CDKAL1: variants seen among roughly 807,000 people sequenced by gnomAD.
CDKAL1 encodes the protein threonylcarbamoyladenosine tRNA methylthiotransferase.
A neutral mutation model predicts 68.2 loss-of-function variants in CDKAL1; 32 were observed. The ratio of observed to expected loss-of-function variants is 0.47; its 90% CI spans 0.35 to 0.63. The LOEUF is 0.63. Among genes scored for constraint, CDKAL1 ranks in the 30% least tolerant of loss-of-function variants. The pLI is 0.00. For missense variants in CDKAL1, 606 were observed against 696.7 expected, an observed-to-expected ratio of 0.87 and a Z score of 1.47; for synonymous variants, 234 against 244.3, an observed-to-expected ratio of 0.96 and a Z score of 0.39.
intron 9 of CDKAL1, among the ~76,000 whole-genome samples, chr6:20,902,619 G>C (rs1762053927): frequency 6.6e-6 from 1 of 152,088 alleles, no homozygotes; most frequent in South Asian, 2.1e-4. Context: ...AAGGAATCTG[G>C]AATGCAGATA....
chr6:20,647,731 T>G (rs11965062), intron 4 of CDKAL1, among the ~76,000 whole-genome samples: 5 of 151,936 alleles, frequency 3.3e-5, no homozygotes, highest in Non-Finnish European at 7.4e-5. Flanking sequence ...CTTTTCTGAG[T>G]TGAGTAGGGA....
chr6:20,796,092 A>G (rs1581595903), intron 8 of CDKAL1, among the ~76,000 whole-genome samples: 1 of 152,188 alleles, frequency 6.6e-6, no homozygotes, highest in African/African-American at 2.4e-5. Flanking sequence ...CACAGATGAT[A>G]TGACTGTCTA....
chr6:20,753,238 G>A (rs1406741027), intron 6 of CDKAL1, among the ~76,000 whole-genome samples: 1 of 150,520 alleles, frequency 6.6e-6, no homozygotes, highest in East Asian at 2.0e-4. Flanking sequence ...TCTTATTTTG[G>A]ACATTTCCTA....
At chr6:20,909,181 ATGTATGTGTGTGTGTGTGTGTGTGTG>A (rs141579376) in intron 9 of CDKAL1, among the ~76,000 whole-genome samples, 5,626 of 133,300 alleles carry the variant, frequency 0.042, 335 homozygotes, top group African/African-American at 0.15. Context: ...ATATGTGTGC[ATGTATGTGTGTGTGTGTGTGTGTGTG>A]TGTGTGTGTG....
intron 5 of CDKAL1, among the ~76,000 whole-genome samples, chr6:20,675,126 G>T (rs1257731068): frequency 6.6e-6 from 1 of 151,374 alleles, no homozygotes; most frequent in East Asian, 1.9e-4. Context: ...TATCATTTGG[G>T]GTCCATTTGT....
chr6:21,139,886 T>C (rs1582282461), intron 13 of CDKAL1, among the ~76,000 whole-genome samples: 1 of 152,364 alleles, frequency 6.6e-6, no homozygotes, highest in Middle Eastern at 3.4e-3. Context: ...ATGAAGATAA[T>C]GTATTACAAA....
chr6:21,140,717 C>T (rs971345680), intron 13 of CDKAL1, among the ~76,000 whole-genome samples: 1 of 152,138 alleles, frequency 6.6e-6, no homozygotes. Flanking sequence ...CTCACAGTAC[C>T]GCTAGCGCTC....
Position 21,093,918 on chromosome 6 carries a change from G to C in CDKAL1, c.1237-14483G>C, listed in dbSNP as rs530471475. Among the ~76,000 whole-genome samples, 138 of 132,762 alleles carry C rather than the reference G, an allele frequency of 1.0e-3. 2 individuals carry two copies. Among genetic ancestry groups the C allele is most frequent in the Admixed American group, 2.4e-3 (29 of 12,008 alleles). 87.1% of individuals were successfully genotyped at this position (132,762 alleles called of 152,430 possible). A position where few individuals can be genotyped will look rare whatever the true frequency, so the allele number is the denominator to read the frequency against. On this transcript the variant is annotated intron_variant, in intron 12 of 15. Transcript: ENST00000274695. The stretch of plus-strand genomic sequence containing the variant: ...GCTTTTTTTTTTTTTTTTTTGTAGA[G>C]ACAGGGTCTTACTATCTTGTCCAGG...
intron 13 of CDKAL1, among the ~76,000 whole-genome samples, chr6:21,153,250 T>TTTTTTTTTTTTTG (rs1237318946): frequency 6.7e-6 from 1 of 149,770 alleles, no homozygotes; most frequent in Non-Finnish European, 1.5e-5. Flanking sequence ...TTTTTTTTTT[T>TTTTTTTTTTTTTG]TTTTTTTTAA....
At chr6:21,160,214 C>T (rs1441098075) in intron 13 of CDKAL1, among the ~76,000 whole-genome samples, 2 of 152,166 alleles carry the variant, frequency 1.3e-5, no homozygotes, top group Non-Finnish European at 2.9e-5. Flanking sequence ...TCGCTTTTGG[C>T]TCTAAAATGG....
chr6:21,103,525 AGAG>A (rs1250102406), intron 12 of CDKAL1, among the ~76,000 whole-genome samples: 1 of 152,176 alleles, frequency 6.6e-6, no homozygotes, highest in Non-Finnish European at 1.5e-5. Flanking sequence ...TGAAGATTAC[AGAG>A]GTTCAGATTC....
chr6:20,721,723 C>CTTTTTTTTTTTTTT (rs1562052673), intron 5 of CDKAL1, among the ~76,000 whole-genome samples: 3 of 107,920 alleles, frequency 2.8e-5, no homozygotes, highest in Non-Finnish European at 5.5e-5. Flanking sequence ...TGACCAACTT[C>CTTTTTTTTTTTTTT]TGTTTTTTTT....
intron 10 of CDKAL1, among the ~76,000 whole-genome samples, chr6:20,961,353 A>G (rs1305161205): frequency 1.3e-5 from 2 of 152,202 alleles, no homozygotes; most frequent in Admixed American, 6.5e-5. Context: ...AAAACCGAAT[A>G]CCACATGTTC....
chr6:20,736,846 T>C (rs1004911248), intron 5 of CDKAL1, among the ~76,000 whole-genome samples: 5 of 152,194 alleles, frequency 3.3e-5, no homozygotes, highest in Admixed American at 2.6e-4. Context: ...ATTAATTTCC[T>C]CACCTCCTGG....
intron 4 of CDKAL1, among the ~76,000 whole-genome samples, chr6:20,578,329 C>G (rs1764997220): frequency 6.6e-6 from 1 of 152,098 alleles, no homozygotes; most frequent in Non-Finnish European, 1.5e-5. Context: ...TCCTACCTCT[C>G]TCCCATCAAC....
chr6:20,979,321 G>C (rs1457546696), intron 10 of CDKAL1, among the ~76,000 whole-genome samples: 2 of 152,170 alleles, frequency 1.3e-5, no homozygotes, highest in Admixed American at 6.5e-5. Context: ...GTACAATGTG[G>C]TAATTGCCTG....
At chr6:21,029,653 A>G (rs1010099632) in intron 11 of CDKAL1, among the ~76,000 whole-genome samples, 5 of 152,188 alleles carry the variant, frequency 3.3e-5, no homozygotes, top group African/African-American at 1.2e-4. Context: ...CAAACCCATC[A>G]GAAAGTGGGC....
chr6:20,803,919 A>G (rs1261006463), intron 8 of CDKAL1, among the ~76,000 whole-genome samples: 5 of 152,166 alleles, frequency 3.3e-5, no homozygotes, highest in African/African-American at 1.2e-4. Flanking sequence ...TAACACTTCT[A>G]CCTTCAAGGC....
intron 13 of CDKAL1, among the ~76,000 whole-genome samples, chr6:21,137,415 A>G (rs1163782697): frequency 6.6e-6 from 1 of 152,188 alleles, no homozygotes; most frequent in Non-Finnish European, 1.5e-5. Flanking sequence ...AAAGGAAGGA[A>G]CTATTCTCCT....
Sources: gnomAD v4.1 joint callset for allele counts (sites outside exome capture counted in the v4.1 genomes callset) on GRCh38, gnomAD v4.1.1 for gene constraint, MANE v1.5 for transcripts, NCBI Gene and HGNC (gene_info 2026-07-23, HGNC 2026-07-21) for gene names.